The following GDNF variants were observed in gnomAD, a reference collection of about 807,000 sequenced individuals.
GDNF encodes the protein glial cell line-derived neurotrophic factor.
Under a neutral mutation model 13.7 loss-of-function variants are expected in GDNF, and 5 were observed. The ratio of observed to expected loss-of-function variants is 0.36; its 90% CI spans 0.19 to 0.77. GDNF has a LOEUF of 0.77. GDNF is among the 30% of genes least tolerant of loss of function. The probability of loss-of-function intolerance (pLI) is 0.51; values close to 1 mark genes in which losing one functional copy is unlikely to be tolerated. For synonymous variants in GDNF, 122 were observed against 112.5 expected, an observed-to-expected ratio of 1.08 and a Z score of -0.53; for missense variants, 246 against 274.3, an observed-to-expected ratio of 0.90 and a Z score of 0.73.
intron 2 of GDNF, among the ~76,000 whole-genome samples, chr5:37,818,525 A>G (rs531378198): frequency 1.1e-3 from 161 of 152,194 alleles, no homozygotes; most frequent in Non-Finnish European, 9.1e-4. Context: ...TTTATAAATT[A>G]CCCAGTCTCA....
chr5:37,821,812 T>C (rs149493702), intron 2 of GDNF, among the ~76,000 whole-genome samples: 2 of 152,340 alleles, frequency 1.3e-5, no homozygotes, highest in Non-Finnish European at 2.9e-5. Context: ...TGAGTTTTAA[T>C]AGGAACAATG....
In GDNF at chr5:37,837,300, G is replaced by A. The variant is rs1050500292; in HGVS notation, c.-27+2207C>T. On this transcript the variant is annotated intron_variant, in intron 1 of 2. Coordinates refer to ENST00000326524, the MANE Select transcript of GDNF (RefSeq NM_000514.4). The surrounding 1 kb of genome is among the most constrained non-coding windows in gnomAD (Gnocchi z 6.5). The stretch of plus-strand genomic sequence containing the variant: ...CGCGGTGCAAACTGCTTTACGCGCC[G>A]CCACGTGCGAGAACCAAGCTCTGCT... 5.9e-5 allele frequency among the ~76,000 whole-genome samples: 9 copies of A among 152,192 alleles called. No individual in the cohort carries two copies. The highest frequency in any genetic ancestry group is 1.9e-4 in the African/African-American group (8 of 41,450).
At position 37,836,793 on chromosome 5, in the gene GDNF, C is replaced by T. The variant is rs570793606; in HGVS notation, c.-26-1971G>A. On this transcript the variant is annotated intron_variant, in intron 1 of 2. Transcript: ENST00000326524. Reference sequence around the variant, plus strand: ...CCGCCAGCAGGAAGCCACAGAGGCACTAGATTTCCCTTCCGTCTTAAGAGG... The same window carrying T: ...CCGCCAGCAGGAAGCCACAGAGGCATTAGATTTCCCTTCCGTCTTAAGAGG... Among the ~76,000 whole-genome samples, 6 of 152,388 alleles carry T rather than the reference C, an allele frequency of 3.9e-5. 1 individual carries two copies. Among genetic ancestry groups the T allele is most frequent in the Admixed American group, 3.9e-4 (6 of 15,312 alleles).
At chr5:37,823,646 A>G (rs1392947670) in intron 2 of GDNF, among the ~76,000 whole-genome samples, 4 of 152,226 alleles carry the variant, frequency 2.6e-5, no homozygotes, top group East Asian at 3.9e-4. Context: ...AGCTCCTCCA[A>G]CTCATGCTGG....
At chr5:37,820,690 T>TA (rs1295421523) in intron 2 of GDNF, among the ~76,000 whole-genome samples, 1 of 152,104 alleles carries the variant, frequency 6.6e-6, no homozygotes, top group Admixed American at 6.5e-5. Flanking sequence ...GGGTAGGGAG[T>TA]ATATGGGAAC....
rs1750637974 is a variant in GDNF, at chr5:37,834,684, A to G, written c.113T>C (p.Leu38Pro). ...CGCGAAGGGCGCGCGGCGGCGGCCG[A>G]GGGAGCGGTCTTCGGCGGGCGCCTC... ...PPEAPAEDRS[L>P]GRRRAPFALS... is the part of the protein sequence containing the mutation. The change falls in exon 2 of 3, where the codon CTC becomes CCC. Residue 38 changes from leucine to proline, a missense_variant. Transcript: ENST00000326524. 1.2e-6 allele frequency: 2 copies of G among 1,607,878 alleles called. No individual in the cohort carries two copies. The highest frequency in any genetic ancestry group is 1.7e-4 in the Middle Eastern group (1 of 5,906).
Position 37,813,344 on chromosome 5 carries a change from T to A in GDNF, c.*2307A>T, listed in dbSNP as rs189476459. Reference sequence around the variant, plus strand: ...TTATTTGATGGAGGCCAGTATTTCATTTAATTGCTAAATCTGTCATAGTTT... The same window carrying A: ...TTATTTGATGGAGGCCAGTATTTCAATTAATTGCTAAATCTGTCATAGTTT... On this transcript the variant is annotated 3_prime_UTR_variant, in exon 3 of 3. Transcript: ENST00000326524. The A allele has an allele frequency of 6.6e-6, 1 of 152,184 alleles. No homozygotes were observed. Among genetic ancestry groups the A allele is most frequent in the Non-Finnish European group, 1.5e-5 (1 of 68,024 alleles). The allele number at this position is 152,184 out of a possible 1,614,324, so 9.4% of individuals were successfully genotyped here. A position where few individuals can be genotyped will look rare whatever the true frequency, so the allele number is the denominator to read the frequency against.
At chr5:37,830,264 C>T (rs1292701445) in intron 2 of GDNF, among the ~76,000 whole-genome samples, 1 of 152,222 alleles carries the variant, frequency 6.6e-6, no homozygotes. Flanking sequence ...ACTCACAACC[C>T]TCTTGTCACT....
At chr5:37,835,143 G>A (rs1197995893) in intron 1 of GDNF, among the ~76,000 whole-genome samples, 1 of 138,414 alleles carries the variant, frequency 7.2e-6, no homozygotes, top group Non-Finnish European at 1.5e-5. Flanking sequence ...CACGATTCCT[G>A]TCCAGTCCCC....
chr5:37,832,346 G>A (rs1467974559), intron 2 of GDNF, among the ~76,000 whole-genome samples: 1 of 152,200 alleles, frequency 6.6e-6, no homozygotes, highest in Admixed American at 6.5e-5. Flanking sequence ...ACAGAGGCGT[G>A]TTGACACTGG....
intron 2 of GDNF, among the ~76,000 whole-genome samples, chr5:37,833,312 A>G (rs1581590278): frequency 6.6e-6 from 1 of 152,218 alleles, no homozygotes; most frequent in Admixed American, 6.5e-5. Flanking sequence ...AAACGTTTAT[A>G]TACATTAAAT....
chr5:37,834,604 G>T (rs913060447), intron 2 of GDNF, 42 bp downstream of exon 2: 46 of 1,428,896 alleles, frequency 3.2e-5, no homozygotes, highest in South Asian at 1.2e-4. Flanking sequence ...GGTGCGAGGG[G>T]GTCCGCCGGC....
intron 2 of GDNF, among the ~76,000 whole-genome samples, chr5:37,822,543 G>A (rs1750177271): frequency 6.6e-6 from 1 of 152,108 alleles, no homozygotes; most frequent in South Asian, 2.1e-4. Flanking sequence ...GCCGAGGTGC[G>A]GTGCCATCCA....
chr5:37,835,451 G>A, intron 1 of GDNF: 2 of 1,449,416 alleles, frequency 1.4e-6, no homozygotes, highest in South Asian at 2.9e-5. Context: ...TGTTGCGAGA[G>A]CAAGAAGTTA....
At position 37,815,441 on chromosome 5, in the gene GDNF, T is replaced by C. The variant is rs1369332672; in HGVS notation, c.*210A>G. 2.9e-5 allele frequency: 18 copies of C among 616,622 alleles called. No homozygotes were observed. The highest frequency in any genetic ancestry group is 4.6e-5 in the Non-Finnish European group (16 of 345,722). The allele number at this position is 616,622 out of a possible 1,614,324, so 38.2% of individuals were successfully genotyped here. A position where few individuals can be genotyped will look rare whatever the true frequency, so the allele number is the denominator to read the frequency against. ...CTGTTTTCTCTCTCTCCTGTCCAGT[T>C]GTCTGTAGCTGGATCTCCCTCTACC... On this transcript the variant is annotated 3_prime_UTR_variant, in exon 3 of 3. Transcript: ENST00000326524. The surrounding 1 kb of genome is among the most constrained non-coding windows in gnomAD (Gnocchi z 5.0).
At position 37,815,535 on chromosome 5, in the gene GDNF, C is replaced by T. The variant is rs1749884263; in HGVS notation, c.*116G>A. On this transcript the variant is annotated 3_prime_UTR_variant, in exon 3 of 3. Transcript: ENST00000326524. The surrounding 1 kb of genome is among the most constrained non-coding windows in gnomAD (Gnocchi z 5.0). ...CCTCCTCCTCCTCTTCTTCTTCCTC[C>T]TCCTCCGCCTCCTTGGTCCTCATCT... The T allele has an allele frequency of 2.1e-6, 2 of 935,258 alleles. No homozygotes were observed. The highest frequency in any genetic ancestry group is 2.6e-4 in the Middle Eastern group (1 of 3,798). 57.9% of individuals were successfully genotyped at this position (935,258 alleles called of 1,614,324 possible).
rs75262128 is a variant in GDNF, at chr5:37,837,640, G to C, written c.-27+1867C>G. ...GTGTTATCATTTTAGTTATAAAACCGGAGAACCACCACTCCCTCTACGAGC... is the reference window on the plus strand; with the variant it reads ...GTGTTATCATTTTAGTTATAAAACCCGAGAACCACCACTCCCTCTACGAGC... On this transcript the variant is annotated intron_variant, in intron 1 of 2. Coordinates refer to ENST00000326524, the MANE Select transcript of GDNF (RefSeq NM_000514.4). This position sits in a 1 kb window ranked among gnomAD's most constrained non-coding sequence, Gnocchi z 6.5. Among the ~76,000 whole-genome samples, 2 of 152,194 alleles carry C rather than the reference G, an allele frequency of 1.3e-5. No homozygotes were observed. The highest frequency in any genetic ancestry group is 4.8e-5 in the African/African-American group (2 of 41,458).
chr5:37,838,545 G>T lies in GDNF; in HGVS notation c.-27+962C>A, dbSNP rs1159812117. Among the ~76,000 whole-genome samples, 4 of 152,254 alleles carry T rather than the reference G, an allele frequency of 2.6e-5. No homozygotes were observed. The highest frequency in any genetic ancestry group is 9.6e-5 in the African/African-American group (4 of 41,470). ...TGAGCAGAAGGGTCGCGAGCTCTGG[G>T]ATGGGTAAGCCCCCCGGGGGCGCGC... On this transcript the variant is annotated intron_variant, in intron 1 of 2. Transcript: ENST00000326524. This position sits in a 1 kb window ranked among gnomAD's most constrained non-coding sequence, Gnocchi z 4.1.
In GDNF at chr5:37,817,211, T is replaced by A. The variant is rs140596903; in HGVS notation, c.152-1076A>T. On this transcript the variant is annotated intron_variant, in intron 2 of 2. Coordinates refer to ENST00000326524, the MANE Select transcript of GDNF (RefSeq NM_000514.4). The stretch of plus-strand genomic sequence containing the variant: ...GTATAAATCAGCAGTCTCTTAGTGC[T>A]TTCTGCCGGATTTCAGTGTTTGCTT... 2.6e-5 allele frequency among the ~76,000 whole-genome samples: 4 copies of A among 152,352 alleles called. No individual in the cohort carries two copies. In the East Asian group the frequency reaches 7.7e-4, roughly 29 times the overall value.
Sources: allele counts gnomAD v4.1 joint callset (sites outside exome capture counted in the v4.1 genomes callset), GRCh38; gene constraint gnomAD v4.1.1; non-coding constraint Gnocchi (gnomAD v3.1); transcripts MANE v1.5; gene names NCBI Gene and HGNC (gene_info 2026-07-23, HGNC 2026-07-21).